The following MLC1 variants were observed in gnomAD, a reference collection of about 807,000 sequenced individuals.
MLC1 encodes the protein modulator of VRAC current 1.
A neutral mutation model predicts 44.7 loss-of-function variants in MLC1; 32 were observed. That is an observed-to-expected ratio of 0.72 (90% CI 0.54 to 0.96). The LOEUF is 0.96. MLC1 is among the 40% of genes least tolerant of loss of function. The probability of loss-of-function intolerance (pLI) is 0.00; values close to 1 mark genes in which losing one functional copy is unlikely to be tolerated. For missense variants in MLC1, 459 were observed against 492.2 expected, an observed-to-expected ratio of 0.93 and a Z score of 0.64; for synonymous variants, 190 against 213.0, an observed-to-expected ratio of 0.89 and a Z score of 0.94.
At chr22:50,074,420 G>A in intron 7 of MLC1, 88 bp from the exon 8 acceptor site, 1 of 1,198,858 alleles carries the variant, frequency 8.3e-7, no homozygotes, top group Non-Finnish European at 1.2e-6. Flanking sequence ...GGACCCCCAG[G>A]AGCAGGGTCC....
intron 8 of MLC1, among the ~76,000 whole-genome samples, chr22:50,072,534 C>T (rs8138590): frequency 0.067 from 10,119 of 152,146 alleles, 1,134 homozygotes; most frequent in African/African-American, 0.23. Context: ...GGGTGCTCTC[C>T]GGGAAGATGG....
intron 8 of MLC1, 77 bp downstream of exon 8, chr22:50,074,139 G>C: frequency 8.0e-7 from 1 of 1,247,930 alleles, no homozygotes; most frequent in Admixed American, 1.9e-5. Context: ...CACCAAGACT[G>C]AGCTCGGGGC....
Position 50,060,490 on chromosome 22 carries a change from A to G in MLC1, c.*1093T>C, listed in dbSNP as rs2061539661. 6.6e-6 allele frequency: 1 copy of G among 152,524 alleles called. No individual in the cohort carries two copies. The highest frequency in any genetic ancestry group is 1.5e-5 in the Non-Finnish European group (1 of 68,206). 9.4% of individuals were successfully genotyped at this position (152,524 alleles called of 1,614,324 possible). A position where few individuals can be genotyped will look rare whatever the true frequency, so the allele number is the denominator to read the frequency against. On this transcript the variant is annotated 3_prime_UTR_variant, in exon 12 of 12. Coordinates refer to ENST00000311597, the MANE Select transcript of MLC1 (RefSeq NM_015166.4). ...GGGCCTTCTCAGTGAGGATCAAGAC[A>G]AAGTACTTGCTAGGAGGTAGAGGGC... is the stretch of plus-strand genomic sequence containing the variant.
At chr22:50,081,009 A>AAAAGAAAGAAAGAAGGAAAGAAAG (rs2062111310) in intron 3 of MLC1, among the ~76,000 whole-genome samples, 1 of 96,740 alleles carries the variant, frequency 1.0e-5, no homozygotes, top group Non-Finnish European at 2.0e-5. Context: ...TTGTCTCAAA[A>AAAAGAAAGAAAGAAGGAAAGAAAG]AAAGAAAGAA....
chr22:50,065,081 C>T (rs969042650), intron 10 of MLC1, among the ~76,000 whole-genome samples: 9 of 152,158 alleles, frequency 5.9e-5, no homozygotes, highest in South Asian at 2.1e-4. Context: ...CCCGCCACCA[C>T]GCCCAGCTAA....
chr22:50,067,697 C>A (rs113637022), intron 10 of MLC1, among the ~76,000 whole-genome samples: 8 of 123,346 alleles, frequency 6.5e-5, no homozygotes, highest in Non-Finnish European at 1.3e-4. Context: ...AGGCAGTGAC[C>A]CCATCCTCCA....
At position 50,064,083 on chromosome 22, in the gene MLC1, C is replaced by T; in HGVS notation, c.1010G>A (p.Gly337Asp). The T allele has an allele frequency of 6.3e-7, 1 of 1,599,404 alleles. No homozygotes were observed. Residue 337 changes from glycine to aspartate, a missense_variant, in exon 11 of 12, where the codon GGT becomes GAT. By Grantham distance (94) the Gly-to-Asp change is moderately conservative. Transcript: ENST00000311597. ...VRFKVSARLQ[G>D]ASWDTQNGPQ... Reference sequence around the variant, plus strand: ...GCCGTTCTGGGTGTCCCAGGATGCACCCTGCAGCCTTGCACTGACCTTGAA... The same window carrying T: ...GCCGTTCTGGGTGTCCCAGGATGCATCCTGCAGCCTTGCACTGACCTTGAA...
chr22:50,082,044 C>A (rs12484523), intron 3 of MLC1, among the ~76,000 whole-genome samples: 1 of 152,124 alleles, frequency 6.6e-6, no homozygotes, highest in Non-Finnish European at 1.5e-5. Flanking sequence ...TAAGACATTT[C>A]GGGGGCGCTG....
At position 50,076,861 on chromosome 22, in the gene MLC1, G is replaced by T. The variant is rs555304253; in HGVS notation, c.577C>A (p.Arg193=). The part of the protein sequence containing the change: ...NILDEVPFPA[R]VLKSYSVVEV... Reference sequence around the variant, plus strand: ...CTTACTGAGTAAGATTTCAGGACCCGAGCAGGAAATGGCACTTCGTCCAGA... The same window carrying T: ...CTTACTGAGTAAGATTTCAGGACCCTAGCAGGAAATGGCACTTCGTCCAGA... Residue 193 remains arginine, a synonymous_variant, in exon 7 of 12, where the codon CGG becomes AGG. Coordinates refer to ENST00000311597, the MANE Select transcript of MLC1 (RefSeq NM_015166.4). The T allele has an allele frequency of 6.2e-7, 1 of 1,613,900 alleles. No individual in the cohort carries two copies. The highest frequency in any genetic ancestry group is 1.7e-5 in the Admixed American group (1 of 60,018).
chr22:50,063,786 ATGGGCCACTCACCT>A (rs1569241614), intron 11 of MLC1, among the ~76,000 whole-genome samples: 23 of 18,004 alleles, frequency 1.3e-3, no homozygotes, highest in Admixed American at 1.7e-3. Context: ...TGGGCCCCCC[ATGGGCCACTCACCT>A]CCCCAGCACC....
At chr22:50,061,773 T>G in intron 11 of MLC1, 116 bp from the exon 12 acceptor site, 1 of 961,566 alleles carries the variant, frequency 1.0e-6, no homozygotes, top group Non-Finnish European at 1.6e-6. Context: ...TTTCTTCGAA[T>G]GTGAAGGAAG....
chr22:50,061,318 G>A lies in MLC1; in HGVS notation c.*265C>T, dbSNP rs2146736565. On this transcript the variant is annotated 3_prime_UTR_variant, in exon 12 of 12. Coordinates refer to ENST00000311597, the MANE Select transcript of MLC1 (RefSeq NM_015166.4). ...AGGCCGAGCCGGGGGCCCTTCCTCG[G>A]CCTGGGAAGTTGCGGCCATGCTCCT... 1.9e-6 allele frequency: 1 copy of A among 535,776 alleles called. No homozygotes were observed. The highest frequency in any genetic ancestry group is 3.4e-6 in the Non-Finnish European group (1 of 295,752). The allele number at this position is 535,776 out of a possible 1,614,324, so 33.2% of individuals were successfully genotyped here. A position where few individuals can be genotyped will look rare whatever the true frequency, so the allele number is the denominator to read the frequency against.
chr22:50,074,378 C>G (rs763857472), intron 7 of MLC1, 46 bp from the exon 8 acceptor site: 3 of 1,482,980 alleles, frequency 2.0e-6, no homozygotes, highest in Non-Finnish European at 2.8e-6. Context: ...GTGGAGACAC[C>G]CCCAGATTCC....
chr22:50,062,398 C>T (rs1026226851), intron 11 of MLC1, among the ~76,000 whole-genome samples: 1 of 152,372 alleles, frequency 6.6e-6, no homozygotes, highest in Non-Finnish European at 1.5e-5. Flanking sequence ...GACTCTGGGC[C>T]TTGCTGGTCA....
chr22:50,064,166 C>T lies in MLC1; in HGVS notation c.927G>A (p.Leu309=), dbSNP rs1310558235. Reference sequence around the variant, plus strand: ...GGCCGGCCTGCAGCAGGAGCACTAGCAGCAGCAGCAGCAGCAGCACATCGT... The same window carrying T: ...GGCCGGCCTGCAGCAGGAGCACTAGTAGCAGCAGCAGCAGCAGCACATCGT... The part of the protein sequence containing the change: ...PSYDVLLLLL[L]LVLLLQAGLN... The change falls in exon 11 of 12, where the codon CTG becomes CTA. Residue 309 remains leucine (L), a synonymous_variant. Coordinates refer to ENST00000311597, the MANE Select transcript of MLC1 (RefSeq NM_015166.4). The T allele has an allele frequency of 6.3e-6, 10 of 1,583,112 alleles. No homozygotes were observed. The highest frequency in any genetic ancestry group is 8.6e-6 in the Non-Finnish European group (10 of 1,166,198).
chr22:50,069,601 G>T (rs1265287928), intron 9 of MLC1, among the ~76,000 whole-genome samples: 1 of 151,920 alleles, frequency 6.6e-6, no homozygotes, highest in Non-Finnish European at 1.5e-5. Flanking sequence ...AGCTGAGATC[G>T]TACCACTGCA....
chr22:50,063,258 A>G (rs999476531), intron 11 of MLC1, among the ~76,000 whole-genome samples: 2 of 152,044 alleles, frequency 1.3e-5, no homozygotes, highest in Non-Finnish European at 1.5e-5. Flanking sequence ...GCGGATCATG[A>G]GGTCAGGAGT....
intron 5 of MLC1, among the ~76,000 whole-genome samples, chr22:50,078,889 C>A (rs935423357): frequency 2.0e-5 from 3 of 152,164 alleles, no homozygotes; most frequent in Non-Finnish European, 4.4e-5. Context: ...CAGCTCCTCC[C>A]AGGGCCAGCC....
chr22:50,073,101 C>T (rs991734552), intron 8 of MLC1, among the ~76,000 whole-genome samples: 2 of 152,102 alleles, frequency 1.3e-5, no homozygotes, highest in South Asian at 2.1e-4. Context: ...ATACCATTCC[C>T]GGGCAGGCGT....
Sources: gnomAD v4.1 joint callset for allele counts (sites outside exome capture counted in the v4.1 genomes callset) on GRCh38, gnomAD v4.1.1 for gene constraint, MANE v1.5 for transcripts, NCBI Gene and HGNC (gene_info 2026-07-23, HGNC 2026-07-21) for gene names.